The following ACSM2B variants were observed in gnomAD, a reference collection of about 807,000 sequenced individuals.
The protein encoded by ACSM2B is acyl-CoA synthetase medium chain family member 2B, also known as acyl-coenzyme A synthetase ACSM2B, mitochondrial.
Under a neutral mutation model 78.6 loss-of-function variants are expected in ACSM2B, and 58 were observed. That is an observed-to-expected ratio of 0.74 (90% CI 0.60 to 0.92). The LOEUF is 0.92. Ranked by LOEUF, ACSM2B falls within the 40% of genes least tolerant of loss-of-function variation. The pLI is 0.00. For missense variants in ACSM2B, 688 were observed against 711.2 expected (o/e 0.97, Z 0.37); for synonymous variants, 257 against 256.8 (o/e 1.00, Z -0.01).
In ACSM2B at chr16:20,562,054, C is replaced by T. The variant is rs190483892; in HGVS notation, c.178-2607G>A. ...CAGATATTTGGGCTGTTTGACCTTC[C>T]AACTACTGTGAATAAAGTTACTGTG... is the stretch of plus-strand genomic sequence containing the variant. On this transcript the variant is annotated intron_variant, in intron 2 of 13. Coordinates refer to ENST00000329697, the MANE Select transcript of ACSM2B (RefSeq NM_001105069.2). Among the ~76,000 whole-genome samples, 484 of 151,928 alleles carry T rather than the reference C, an allele frequency of 3.2e-3. 9 individuals are homozygous for T. The highest frequency in any genetic ancestry group is 1.7e-3 in the Non-Finnish European group (116 of 67,976).
At chr16:20,558,169 G>T (rs2015534184) in intron 3 of ACSM2B, among the ~76,000 whole-genome samples, 1 of 152,086 alleles carries the variant, frequency 6.6e-6, no homozygotes, top group Non-Finnish European at 1.5e-5. Context: ...GGTATTTGAG[G>T]TGTTCTTCAG....
intron 13 of ACSM2B, among the ~76,000 whole-genome samples, chr16:20,539,026 C>G (rs1485754905): frequency 6.6e-6 from 1 of 152,110 alleles, no homozygotes; most frequent in African/African-American, 2.4e-5. Context: ...ACATCCATAC[C>G]TGATCCACCT....
At chr16:20,554,212 T>C (rs1179925521) in intron 4 of ACSM2B, 14 of 538,936 alleles carry the variant, frequency 2.6e-5, no homozygotes, top group Admixed American at 5.5e-5. Context: ...TATAGAGTTA[T>C]TGAGAAAGTT....
intron 1 of ACSM2B, chr16:20,575,284 A>G (rs1444910239): frequency 2.6e-5 from 4 of 151,880 alleles, no homozygotes; most frequent in Middle Eastern, 6.9e-3. Context: ...TATTTTATAA[A>G]CTCATATGTA....
chr16:20,565,808 T>A (rs2015808345), intron 1 of ACSM2B, among the ~76,000 whole-genome samples: 1 of 152,048 alleles, frequency 6.6e-6, no homozygotes, highest in Non-Finnish European at 1.5e-5. Context: ...CTTTTATTCC[T>A]CACCTCCTTC....
At chr16:20,554,302 G>T in intron 4 of ACSM2B, 1 of 382,894 alleles carries the variant, frequency 2.6e-6, no homozygotes, top group Admixed American at 3.9e-5. Context: ...AAGAGCCCTG[G>T]CATGACACCA....
In ACSM2B at chr16:20,561,230, C is replaced by T. The variant is rs12917831; in HGVS notation, c.178-1783G>A. On this transcript the variant is annotated intron_variant, in intron 2 of 13. Transcript: ENST00000329697. ...TTATATAAGGTACTATATTAGGCTG[C>T]TCTTGCATTGTTATAAAGGAATATC... 2.0e-4 allele frequency among the ~76,000 whole-genome samples: 31 copies of T among 151,960 alleles called. No individual in the cohort carries two copies. The East Asian group carries it at 4.1e-3, about 20-fold the overall frequency.
intron 2 of ACSM2B, among the ~76,000 whole-genome samples, chr16:20,564,204 C>A (rs527806205): frequency 1.3e-5 from 2 of 152,058 alleles, no homozygotes; most frequent in Non-Finnish European, 2.9e-5. Flanking sequence ...AGCAATCTTG[C>A]CACCTCAATC....
At chr16:20,551,321 G>A (rs1034862171) in intron 6 of ACSM2B, among the ~76,000 whole-genome samples, 1 of 152,096 alleles carries the variant, frequency 6.6e-6, no homozygotes, top group Non-Finnish European at 1.5e-5. Context: ...CTATATTAAA[G>A]CTCTAACCCT....
chr16:20,571,204 T>A (rs999995811), intron 1 of ACSM2B, among the ~76,000 whole-genome samples: 57 of 152,180 alleles, frequency 3.7e-4, no homozygotes, highest in African/African-American at 1.3e-3. Flanking sequence ...TGAAGGCATT[T>A]AAGGCTATGA....
intron 9 of ACSM2B, among the ~76,000 whole-genome samples, chr16:20,546,035 A>C (rs1220250485): frequency 2.0e-5 from 3 of 152,210 alleles, no homozygotes. Context: ...GGTTGGCATT[A>C]ATTGAACTGA....
intron 4 of ACSM2B, chr16:20,554,230 C>G (rs2015402732): frequency 2.4e-5 from 12 of 503,654 alleles, no homozygotes; most frequent in South Asian, 2.0e-4. Flanking sequence ...GTTAACTCTG[C>G]CACCAAAGAA....
chr16:20,567,044 C>A (rs2015918661), intron 1 of ACSM2B, among the ~76,000 whole-genome samples: 1 of 132,550 alleles, frequency 7.5e-6, no homozygotes, highest in African/African-American at 2.8e-5. Context: ...CACTCAGAGT[C>A]AGAACAAGAC....
intron 10 of ACSM2B, among the ~76,000 whole-genome samples, chr16:20,543,466 C>T (rs1485096962): frequency 2.6e-5 from 4 of 152,226 alleles, no homozygotes; most frequent in Non-Finnish European, 5.9e-5. Context: ...TTATTCCACC[C>T]AGGGTGTCTC....
chr16:20,565,514 A>T (rs2015798774), intron 1 of ACSM2B, among the ~76,000 whole-genome samples: 1 of 152,174 alleles, frequency 6.6e-6, no homozygotes. Context: ...AAAGCTACTA[A>T]GATGTATAGG....
At chr16:20,538,609 T>G (rs1265705492) in intron 13 of ACSM2B, among the ~76,000 whole-genome samples, 4 of 152,148 alleles carry the variant, frequency 2.6e-5, no homozygotes, top group Non-Finnish European at 4.4e-5. Flanking sequence ...ATCTGCTGCC[T>G]TGAGAATTCT....
At chr16:20,540,542 C>T (rs1423463721) in intron 13 of ACSM2B, 112 bp downstream of exon 13, 1 of 1,522,418 alleles carries the variant, frequency 6.6e-7, no homozygotes, top group African/African-American at 1.4e-5. Context: ...CATGTCCGGC[C>T]CAGGAAGACT....
chr16:20,559,088 A>G (rs1476919958), intron 3 of ACSM2B, 149 bp downstream of exon 3: 1 of 1,425,280 alleles, frequency 7.0e-7, no homozygotes, highest in African/African-American at 1.4e-5. Context: ...TGCTTAAATA[A>G]GTGGAAGCAG....
At chr16:20,560,852 A>T (rs1424874010) in intron 2 of ACSM2B, among the ~76,000 whole-genome samples, 1 of 152,080 alleles carries the variant, frequency 6.6e-6, no homozygotes, top group Non-Finnish European at 1.5e-5. Flanking sequence ...ATGCAGGCTG[A>T]CCAGATTTCA....
Sources: allele counts gnomAD v4.1 joint callset (sites outside exome capture counted in the v4.1 genomes callset), GRCh38; gene constraint gnomAD v4.1.1; transcripts MANE v1.5; gene names NCBI Gene and HGNC (gene_info 2026-07-23, HGNC 2026-07-21).